The following FILIP1L variants were observed in gnomAD, a reference collection of about 807,000 sequenced individuals.
The protein encoded by FILIP1L is filamin A-interacting protein 1-like.
A neutral mutation model predicts 96.6 loss-of-function variants in FILIP1L; 55 were observed. That is an observed-to-expected ratio of 0.57 (90% CI 0.46 to 0.71). The LOEUF (loss-of-function observed/expected upper bound fraction) is 0.71. FILIP1L is among the 30% of genes least tolerant of loss of function. The pLI is 0.00. For synonymous variants in FILIP1L, 467 were observed against 473.9 expected, an observed-to-expected ratio of 0.99 and a Z score of 0.19; for missense variants, 1,304 against 1,321.2, an observed-to-expected ratio of 0.99 and a Z score of 0.20.
chr3:100,037,934 C>T (rs61455474), intron 1 of FILIP1L, among the ~76,000 whole-genome samples: 12,860 of 130,064 alleles, frequency 0.099, 752 homozygotes, highest in East Asian at 0.22. Context: ...TTTTTAATCG[C>T]TTTTCTTTTT....
chr3:100,068,427 A>G (rs2065704632), intron 1 of FILIP1L, among the ~76,000 whole-genome samples: 1 of 152,140 alleles, frequency 6.6e-6, no homozygotes, highest in East Asian at 1.9e-4. Flanking sequence ...ACATTTAACT[A>G]CAAAACATCA....
chr3:100,027,587 C>G (rs1012777675), intron 1 of FILIP1L, among the ~76,000 whole-genome samples: 28 of 152,160 alleles, frequency 1.8e-4, no homozygotes, highest in African/African-American at 6.5e-4. Context: ...CCTACTTCCA[C>G]CCTGCTCAAC....
In FILIP1L at chr3:99,929,868, T is replaced by C; in HGVS notation, c.414A>G (p.Lys138=). ...TTGTGGTACATACCTCATTCATTGG[T>C]TTCTCATAGATGTCCTCCTGCCAAG... ...STPWQEDIYE[K]PMNELDKVVE... is the part of the protein sequence containing the mutation. Residue 138 remains lysine (K), a synonymous_variant, in exon 3 of 6, where the codon AAA becomes AAG. Coordinates refer to ENST00000477258, the MANE Select transcript of FILIP1L (RefSeq NM_001387850.1). 6.2e-7 allele frequency: 1 copy of C among 1,612,152 alleles called. No homozygotes were observed. The highest frequency in any genetic ancestry group is 8.5e-7 in the Non-Finnish European group (1 of 1,179,262).
intron 1 of FILIP1L, among the ~76,000 whole-genome samples, chr3:99,950,977 C>G (rs1009112821): frequency 1.3e-5 from 2 of 152,228 alleles, no homozygotes; most frequent in African/African-American, 4.8e-5. Flanking sequence ...TAACTCAAAA[C>G]TTGTTAAGAG....
chr3:100,014,250 C>T (rs1426777331), intron 1 of FILIP1L, among the ~76,000 whole-genome samples: 1 of 151,586 alleles, frequency 6.6e-6, no homozygotes, highest in East Asian at 1.9e-4. Flanking sequence ...TGTCAATGGA[C>T]ACCTAAGTTG....
intron 5 of FILIP1L, among the ~76,000 whole-genome samples, chr3:99,830,866 G>A (rs1202340642): frequency 1.3e-5 from 2 of 152,214 alleles, no homozygotes; most frequent in Admixed American, 1.3e-4. Context: ...CAATCACGGT[G>A]TAGTAGGACA....
chr3:100,086,515 T>G (rs925341553), intron 1 of FILIP1L, among the ~76,000 whole-genome samples: 2 of 152,196 alleles, frequency 1.3e-5, no homozygotes, highest in African/African-American at 4.8e-5. Context: ...TTACAATTTG[T>G]TTTAGCCCTA....
chr3:100,064,305 C>T (rs538572164), intron 1 of FILIP1L, among the ~76,000 whole-genome samples: 2 of 152,162 alleles, frequency 1.3e-5, no homozygotes, highest in East Asian at 3.9e-4. Flanking sequence ...AAACTTCTGA[C>T]GATTTCCTGT....
At chr3:100,070,814 A>G (rs1216813126) in intron 1 of FILIP1L, among the ~76,000 whole-genome samples, 9 of 152,172 alleles carry the variant, frequency 5.9e-5, no homozygotes, top group Admixed American at 2.0e-4. Flanking sequence ...TATTTTTAGT[A>G]GAGACCGGGT....
intron 1 of FILIP1L, among the ~76,000 whole-genome samples, chr3:99,984,690 G>T (rs79757922): frequency 6.6e-6 from 1 of 152,144 alleles, no homozygotes; most frequent in South Asian, 2.1e-4. Context: ...TGGCTACTGT[G>T]GGGGAGGGAA....
intron 5 of FILIP1L, among the ~76,000 whole-genome samples, chr3:99,837,316 A>T (rs704581): frequency 0.73 from 110,266 of 151,896 alleles, 40,547 homozygotes; most frequent in African/African-American, 0.85. Flanking sequence ...CTGTTTATAT[A>T]AAACAGTGGT....
intron 1 of FILIP1L, among the ~76,000 whole-genome samples, chr3:99,966,789 CA>C (rs1453396297): frequency 6.6e-6 from 1 of 152,162 alleles, no homozygotes; most frequent in African/African-American, 2.4e-5. Context: ...GCCACGTATA[CA>C]AGACGTAACT....
Position 99,931,105 on chromosome 3 carries a change from C to G in FILIP1L, c.-10-75G>C, listed in dbSNP as rs991595809. The G allele has an allele frequency of 5.7e-6, 7 of 1,232,140 alleles. No homozygotes were observed. In the Admixed American group the frequency reaches 1.4e-4, roughly 25 times the overall value. The allele number at this position is 1,232,140 out of a possible 1,614,324, so 76.3% of individuals were successfully genotyped here. A position where few individuals can be genotyped will look rare whatever the true frequency, so the allele number is the denominator to read the frequency against. On this transcript the variant is annotated intron_variant, in intron 1 of 5. Coordinates refer to ENST00000477258, the MANE Select transcript of FILIP1L (RefSeq NM_001387850.1). ...ATAAGAGTACCTATTACTGCTTTAA[C>G]AAGTCTACATTCTTGTTATATTTAC...
chr3:100,020,660 G>T (rs1576646497), intron 1 of FILIP1L, among the ~76,000 whole-genome samples: 1 of 149,288 alleles, frequency 6.7e-6, no homozygotes, highest in South Asian at 2.1e-4. Flanking sequence ...TTCTTAAAAA[G>T]TGTTTATTTT....
Position 99,850,650 on chromosome 3 carries a change from C to T in FILIP1L, c.1026G>A (p.Arg342=). ...RQIDELEETN[R]SLRKAEEELQ... is the part of the protein sequence containing the mutation. ...GCTCCTCTTCTGCTTTTCGTAAAGACCTGTTTGTCTCTTCTAACTCATCAA... is the reference window on the plus strand; with the variant it reads ...GCTCCTCTTCTGCTTTTCGTAAAGATCTGTTTGTCTCTTCTAACTCATCAA... Residue 342 remains arginine (R), a synonymous_variant, in exon 5 of 6, where the codon AGG becomes AGA. Transcript: ENST00000477258. 6.2e-7 allele frequency: 1 copy of T among 1,614,074 alleles called. No individual in the cohort carries two copies. Among genetic ancestry groups the T allele is most frequent in the Non-Finnish European group, 8.5e-7 (1 of 1,180,030 alleles).
At chr3:100,113,615 C>T (rs936171747) in intron 1 of FILIP1L, among the ~76,000 whole-genome samples, 2 of 152,128 alleles carry the variant, frequency 1.3e-5, no homozygotes, top group African/African-American at 4.8e-5. Context: ...TGCAATTTAA[C>T]CTATTCAGTA....
chr3:99,885,323 T>C (rs13095282), intron 4 of FILIP1L, among the ~76,000 whole-genome samples: 8,129 of 152,270 alleles, frequency 0.053, 315 homozygotes, highest in Middle Eastern at 0.085. Flanking sequence ...ACTTCCACTT[T>C]GACTCTGAGA....
chr3:99,991,836 A>ATGTGTG (rs112596171), intron 1 of FILIP1L, among the ~76,000 whole-genome samples: 130 of 143,494 alleles, frequency 9.1e-4, no homozygotes, highest in African/African-American at 2.2e-3. Flanking sequence ...ATATATATAT[A>ATGTGTG]TGTGTGTGTG....
rs576247750 is a variant in FILIP1L at position 100,018,287 on chromosome 3, T to C, written c.-10-87257A>G. On this transcript the variant is annotated intron_variant, in intron 1 of 5. Coordinates refer to ENST00000477258, the MANE Select transcript of FILIP1L (RefSeq NM_001387850.1). Reference sequence around the variant, plus strand: ...GTTACAGTGAGCTGAGATTGTGCCATTGCACTCCAGCCTAGGCGACAAGAG... The same window carrying C: ...GTTACAGTGAGCTGAGATTGTGCCACTGCACTCCAGCCTAGGCGACAAGAG... Among the ~76,000 whole-genome samples, 4 of 152,136 alleles carry C rather than the reference T, an allele frequency of 2.6e-5. No homozygotes were observed. The South Asian group carries it at 8.3e-4, about 32-fold the overall frequency.
Sources: gnomAD v4.1 joint callset for allele counts (sites outside exome capture counted in the v4.1 genomes callset) on GRCh38, gnomAD v4.1.1 for gene constraint, MANE v1.5 for transcripts, NCBI Gene and HGNC (gene_info 2026-07-23, HGNC 2026-07-21) for gene names.